KAZN: variants seen among roughly 807,000 people sequenced by gnomAD.
The protein encoded by KAZN is kazrin, periplakin interacting protein.
A neutral mutation model predicts 87.4 loss-of-function variants in KAZN; 40 were observed. That is an observed-to-expected ratio of 0.46 (90% CI 0.36 to 0.60). The LOEUF is 0.60. KAZN is among the 20% of genes least tolerant of loss of function. The probability of loss-of-function intolerance (pLI) is 0.00; values close to 1 mark genes in which losing one functional copy is unlikely to be tolerated. For synonymous variants in KAZN, 466 were observed against 458.3 expected, an observed-to-expected ratio of 1.02 and a Z score of -0.22; for missense variants, 898 against 1,073.9, an observed-to-expected ratio of 0.84 and a Z score of 2.29.
intron 10 of KAZN, among the ~76,000 whole-genome samples, chr1:15,098,457 C>A (rs1440483402): frequency 1.3e-5 from 2 of 152,206 alleles, no homozygotes; most frequent in Admixed American, 6.5e-5. Context: ...TGGATGGGCC[C>A]CTCTCGAGTA....
chr1:15,108,356 G>A (rs1470275094), intron 13 of KAZN, among the ~76,000 whole-genome samples: 1 of 152,340 alleles, frequency 6.6e-6, no homozygotes, highest in Non-Finnish European at 1.5e-5. Context: ...CAGAGGCGTG[G>A]GCCTGTGTGC....
intron 2 of KAZN, among the ~76,000 whole-genome samples, chr1:14,259,027 G>T (rs1571163301): frequency 6.6e-6 from 1 of 152,090 alleles, no homozygotes; most frequent in Non-Finnish European, 1.5e-5. Flanking sequence ...GAGACTCAAA[G>T]GTCTGTCAGG....
intron 1 of KAZN, among the ~76,000 whole-genome samples, chr1:14,611,088 A>T (rs1677780999): frequency 6.6e-6 from 1 of 152,096 alleles, no homozygotes; most frequent in South Asian, 2.1e-4. Flanking sequence ...ATGGCAGAAA[A>T]CTCAGGGAGA....
At chr1:14,642,201 C>T (rs1680457885) in intron 1 of KAZN, among the ~76,000 whole-genome samples, 1 of 152,142 alleles carries the variant, frequency 6.6e-6, no homozygotes, top group African/African-American at 2.4e-5. Context: ...AGATCGAGAC[C>T]ATCCTGGCTA....
chr1:13,971,317 C>T (rs1642128246), intron 1 of KAZN, among the ~76,000 whole-genome samples: 1 of 152,258 alleles, frequency 6.6e-6, no homozygotes, highest in East Asian at 1.9e-4. Context: ...ATTATTTACG[C>T]CATAGCAAGT....
chr1:15,109,749 TTGTA>T (rs200481046), intron 13 of KAZN, among the ~76,000 whole-genome samples: 1,866 of 147,764 alleles, frequency 0.013, 42 homozygotes, highest in African/African-American at 0.041. Flanking sequence ...GTGTTTGTGT[TTGTA>T]TGTTTGTGTC....
At chr1:14,064,985 C>T (rs1271392736) in intron 1 of KAZN, among the ~76,000 whole-genome samples, 2 of 152,162 alleles carry the variant, frequency 1.3e-5, no homozygotes, top group African/African-American at 4.8e-5. Flanking sequence ...CTTTAGCCTC[C>T]TGGTCAAGAG....
At chr1:14,598,673 G>A (rs1676677248), upstream of KAZN, 1 of 1,267,918 alleles carries the variant, frequency 7.9e-7, no homozygotes, top group Non-Finnish European at 9.9e-7. The surrounding 1 kb of genome is among the most constrained non-coding windows in gnomAD (Gnocchi z 4.2). Flanking sequence ...GTGCCTGGTG[G>A]CGCGCGGTGT....
chr1:14,269,791 G>A (rs1008999470), intron 2 of KAZN, among the ~76,000 whole-genome samples: 17 of 152,180 alleles, frequency 1.1e-4, no homozygotes, highest in African/African-American at 4.1e-4. Flanking sequence ...AGGTGAGGCT[G>A]CTGTGGGGCA....
intron 1 of KAZN, among the ~76,000 whole-genome samples, chr1:14,848,218 T>C (rs1477851070): frequency 2.0e-5 from 3 of 152,166 alleles, no homozygotes; most frequent in African/African-American, 7.2e-5. Flanking sequence ...TCCTCTGCTT[T>C]GCTGCTTTTC....
At chr1:14,886,448 A>T (rs1021746209) in intron 1 of KAZN, among the ~76,000 whole-genome samples, 6 of 151,286 alleles carry the variant, frequency 4.0e-5, no homozygotes, top group African/African-American at 1.2e-4. Flanking sequence ...ACACACACAC[A>T]CACACACACA....
At chr1:14,930,135 C>T (rs1659642434) in intron 1 of KAZN, 1 of 943,028 alleles carries the variant, frequency 1.1e-6, no homozygotes, top group Non-Finnish European at 1.3e-6. Flanking sequence ...CTGGGTGGGG[C>T]CCGTCCTCAG....
chr1:14,967,477 AG>A (rs1187052016), intron 2 of KAZN, among the ~76,000 whole-genome samples: 3 of 152,136 alleles, frequency 2.0e-5, no homozygotes, highest in Non-Finnish European at 4.4e-5. Context: ...CCTCTCCCAA[AG>A]ATGTCCCCAG....
At position 14,110,850 on chromosome 1, in the gene KAZN, C is replaced by T. The variant is rs1278831475; in HGVS notation, c.92-69585C>T. On this transcript the variant is annotated intron_variant, in intron 1 of 16. Transcript: ENST00000636203. ...TGACTACATGTTAAGATGACAATGA[C>T]GATGTTTTGGCTGTGCTAAATAAAA... Among the ~76,000 whole-genome samples the T allele has an allele frequency of 3.7e-5, 5 of 134,662 alleles. 1 individual carries two copies. Among genetic ancestry groups the T allele is most frequent in the East Asian group, 2.9e-4 (1 of 3,402 alleles). The allele number at this position is 134,662 out of a possible 152,430, so 88.3% of individuals were successfully genotyped here.
At chr1:14,577,954 T>C (rs971172011) in intron 2 of KAZN, among the ~76,000 whole-genome samples, 1 of 152,154 alleles carries the variant, frequency 6.6e-6, no homozygotes, top group Non-Finnish European at 1.5e-5. Context: ...CCAAACCCTG[T>C]GTTCAAACTT....
intron 1 of KAZN, among the ~76,000 whole-genome samples, chr1:14,768,705 C>A (rs934311253): frequency 6.6e-6 from 1 of 152,126 alleles, no homozygotes; most frequent in Non-Finnish European, 1.5e-5. Flanking sequence ...CACAGAATAC[C>A]AACTCCAATG....
At chr1:14,237,986 T>G (rs1304566038) in intron 2 of KAZN, among the ~76,000 whole-genome samples, 1 of 152,244 alleles carries the variant, frequency 6.6e-6, no homozygotes, top group East Asian at 1.9e-4. Context: ...TATGCAAAGT[T>G]AAGGCTATAC....
At chr1:14,201,927 C>T (rs529765558) in intron 2 of KAZN, among the ~76,000 whole-genome samples, 1 of 152,342 alleles carries the variant, frequency 6.6e-6, no homozygotes, top group African/African-American at 2.4e-5. Flanking sequence ...CTCGGCCTCC[C>T]AAAGTGCTGG....
At chr1:14,185,674 A>G (rs535222905) in intron 2 of KAZN, among the ~76,000 whole-genome samples, 8 of 152,188 alleles carry the variant, frequency 5.3e-5, no homozygotes, top group Non-Finnish European at 7.3e-5. Context: ...TTTGTTTCAG[A>G]TAAATAAACT....
Sources: gnomAD v4.1 joint callset for allele counts (sites outside exome capture counted in the v4.1 genomes callset) on GRCh38, gnomAD v4.1.1 for gene constraint, Gnocchi (gnomAD v3.1) non-coding constraint, MANE v1.5 for transcripts, NCBI Gene and HGNC (gene_info 2026-07-23, HGNC 2026-07-21) for gene names.